Variants in EZH2 observed in about 807,000 individuals in gnomAD.
EZH2 encodes histone-lysine N-methyltransferase EZH2.
EZH2 carries 18 observed loss-of-function variants against 98.4 expected under a neutral mutation model. That is an observed-to-expected ratio of 0.18 (90% confidence interval 0.13 to 0.27). The LOEUF is 0.27. Ranked by LOEUF, EZH2 falls within the 10% of genes least tolerant of loss-of-function variation. EZH2 has a pLI of 1.00. For missense variants in EZH2, 470 were observed against 935.1 expected, an observed-to-expected ratio of 0.50 and a Z score of 6.49; for synonymous variants, 338 against 312.3, an observed-to-expected ratio of 1.08 and a Z score of -0.87.
chr7:148,833,627 A>G (rs1810047411), intron 3 of EZH2, among the ~76,000 whole-genome samples: 1 of 152,174 alleles, frequency 6.6e-6, no homozygotes, highest in Admixed American at 6.5e-5. Context: ...AAGTAAATTT[A>G]AGTCTATTCT....
At chr7:148,862,207 T>C (rs1274590604) in intron 1 of EZH2, among the ~76,000 whole-genome samples, 2 of 151,460 alleles carry the variant, frequency 1.3e-5, no homozygotes, top group Admixed American at 6.6e-5. Context: ...TTTCCTACTC[T>C]GCCACATTAA....
chr7:148,826,747 A>C, intron 7 of EZH2, 115 bp from the exon 8 acceptor site: 1 of 767,780 alleles, frequency 1.3e-6, no homozygotes, highest in Non-Finnish European at 1.9e-6. Context: ...CTAAAACATA[A>C]AGGAATGGCT....
In EZH2 at chr7:148,811,725, A is replaced by G. The variant is rs768218975; in HGVS notation, c.1852-5T>C. ...AGATGGTGCCAGCAATAGATGCTAG[A>G]GAATAAAACACAATCACATCATCAA... On this transcript the variant is annotated splice_polypyrimidine_tract_variant and splice_region_variant and intron_variant, in intron 15 of 19. Transcript: ENST00000320356. 3.7e-6 allele frequency: 6 copies of G among 1,609,730 alleles called. No homozygotes were observed. The highest frequency in any genetic ancestry group is 1.7e-5 in the Admixed American group (1 of 60,018).
At chr7:148,866,405 T>C (rs1818447243) in intron 1 of EZH2, among the ~76,000 whole-genome samples, 1 of 151,652 alleles carries the variant, frequency 6.6e-6, no homozygotes, top group Non-Finnish European at 1.5e-5. Context: ...CCCTTCTATC[T>C]TCTGCTATAA....
At chr7:148,811,302 C>T (rs377343500) in intron 16 of EZH2, among the ~76,000 whole-genome samples, 69 of 152,274 alleles carry the variant, frequency 4.5e-4, no homozygotes, top group African/African-American at 1.6e-3. Flanking sequence ...AAGTATGCAC[C>T]ACCACGCCCG....
intron 1 of EZH2, among the ~76,000 whole-genome samples, chr7:148,865,359 T>C (rs550867258): frequency 3.9e-4 from 59 of 152,272 alleles, no homozygotes; most frequent in African/African-American, 1.4e-3. Context: ...TAACATACAT[T>C]GAGCAAAAAT....
chr7:148,819,154 T>C, intron 9 of EZH2: 1 of 417,752 alleles, frequency 2.4e-6, no homozygotes, highest in Non-Finnish European at 4.6e-6. Flanking sequence ...CTGTTCTCCA[T>C]CATTTAAAAA....
chr7:148,810,729 G>A (rs1802796677), intron 16 of EZH2, among the ~76,000 whole-genome samples: 1 of 152,076 alleles, frequency 6.6e-6, no homozygotes, highest in African/African-American at 2.4e-5. Context: ...AGCACTTTGG[G>A]AGGCCGAGGC....
chr7:148,875,540 C>A (rs1413687386), intron 1 of EZH2, among the ~76,000 whole-genome samples: 2 of 152,114 alleles, frequency 1.3e-5, no homozygotes, highest in African/African-American at 4.8e-5. Context: ...GAAACACAAA[C>A]CCACAATGAG....
chr7:148,808,762 C>T (rs1194640854), intron 19 of EZH2, among the ~76,000 whole-genome samples: 3 of 152,136 alleles, frequency 2.0e-5, no homozygotes, highest in South Asian at 2.1e-4. Context: ...CTGGAAAACG[C>T]TCCACGAGTG....
Position 148,818,050 on chromosome 7 carries a change from C to G in EZH2, c.1067G>C (p.Gly356Ala), listed in dbSNP as rs1378812518. 6.2e-7 allele frequency: 1 copy of G among 1,613,936 alleles called. No homozygotes were observed. Among genetic ancestry groups the G allele is most frequent in the African/African-American group, 1.3e-5 (1 of 74,856 alleles). The change falls in exon 10 of 20, where the codon GGA becomes GCA. Residue 356 changes from glycine (G) to alanine (A), a missense_variant. Transcript: ENST00000320356. ...ERIKTPPKRP[G>A]GRRRGRLPNN... Reference sequence around the variant, plus strand: ...GGGAAGCCGTCCTCTTCTGCGGCCTCCTGGACGTTTTGGTGGGGTCTTTAT... The same window carrying G: ...GGGAAGCCGTCCTCTTCTGCGGCCTGCTGGACGTTTTGGTGGGGTCTTTAT...
At chr7:148,862,571 G>A (rs776965238) in intron 1 of EZH2, among the ~76,000 whole-genome samples, 4 of 152,034 alleles carry the variant, frequency 2.6e-5, no homozygotes, top group African/African-American at 9.7e-5. Context: ...AATAATCATG[G>A]TTTGTCAGAC....
At chr7:148,833,787 T>C (rs1810094227) in intron 3 of EZH2, among the ~76,000 whole-genome samples, 1 of 152,140 alleles carries the variant, frequency 6.6e-6, no homozygotes, top group Admixed American at 6.6e-5. Flanking sequence ...ATTTTACAGG[T>C]GAGAAAACTA....
At chr7:148,884,122 C>A (rs1444088321) in intron 1 of EZH2, 42 bp downstream of exon 1, 1 of 151,048 alleles carries the variant, frequency 6.6e-6, no homozygotes, top group Non-Finnish European at 1.5e-5. Flanking sequence ...GGTTCGCACT[C>A]CCGGAGCCCC....
rs587778305 is a variant in EZH2, at chr7:148,817,936, C to G, written c.1181G>C (p.Gly394Ala). ...TTCTTCTTTATCATTGTTCTCTCCC[C>G]CCGTTTCAGTCCCTGCTTCCCTATC... is the stretch of plus-strand genomic sequence containing the variant. ...DSDREAGTET[G>A]GENNDKEEEE... The change falls in exon 10 of 20, where the codon GGG becomes GCG. Residue 394 changes from glycine to alanine, a missense_variant. Gly to Ala is a moderately conservative substitution (Grantham distance 60). This residue lies in a region of EZH2 where 192 missense variants were observed against 306.8 expected (regional missense o/e 0.63). Coordinates refer to ENST00000320356, the MANE Select transcript of EZH2 (RefSeq NM_004456.5). The G allele has an allele frequency of 3.1e-6, 5 of 1,614,176 alleles. No individual in the cohort carries two copies. The highest frequency in any genetic ancestry group is 4.2e-6 in the Non-Finnish European group (5 of 1,180,022).
chr7:148,839,977 C>G (rs779157023), intron 3 of EZH2, among the ~76,000 whole-genome samples: 18 of 152,198 alleles, frequency 1.2e-4, no homozygotes, highest in Non-Finnish European at 2.5e-4. Context: ...TTTAACTTCA[C>G]TGAATAATTA....
At chr7:148,865,660 G>T (rs761782303) in intron 1 of EZH2, among the ~76,000 whole-genome samples, 9 of 152,178 alleles carry the variant, frequency 5.9e-5, no homozygotes, top group Non-Finnish European at 1.2e-4. Flanking sequence ...CTGGTTTGTG[G>T]TAAGGCATCT....
chr7:148,809,544 T>C (rs1802449821), intron 17 of EZH2, among the ~76,000 whole-genome samples, 154 bp from the exon 18 acceptor site: 1 of 152,184 alleles, frequency 6.6e-6, no homozygotes, highest in South Asian at 2.1e-4. Flanking sequence ...AGAAATGACA[T>C]TTGGAAGAAC....
chr7:148,864,181 C>T (rs1390177576), intron 1 of EZH2, among the ~76,000 whole-genome samples: 1 of 152,198 alleles, frequency 6.6e-6, no homozygotes, highest in African/African-American at 2.4e-5. Context: ...AGTAAGATCA[C>T]TTTCCTCCTT....
Sources: gnomAD v4.1 joint callset for allele counts (sites outside exome capture counted in the v4.1 genomes callset) on GRCh38, gnomAD v4.1.1 for gene constraint, gnomAD v4.1.1 regional missense constraint, MANE v1.5 for transcripts, NCBI Gene and HGNC (gene_info 2026-07-23, HGNC 2026-07-21) for gene names.